Variants in ELOVL5 observed in about 807,000 individuals in gnomAD.
ELOVL5 encodes ELOVL fatty acid elongase 5.
ELOVL5 carries 8 observed loss-of-function variants against 38.6 expected under a neutral mutation model. The observed-to-expected ratio is 0.21, with a 90% CI of 0.12 to 0.37. ELOVL5 has a LOEUF of 0.37. ELOVL5 is among the 10% of genes least tolerant of loss of function. The probability of loss-of-function intolerance (pLI) is 1.00; values close to 1 mark genes in which losing one functional copy is unlikely to be tolerated. For synonymous variants in ELOVL5, 127 were observed against 133.7 expected, an observed-to-expected ratio of 0.95 and a Z score of 0.34; for missense variants, 280 against 367.8, an observed-to-expected ratio of 0.76 and a Z score of 1.95.
chr6:53,333,895 T>C (rs1768917744), intron 1 of ELOVL5, among the ~76,000 whole-genome samples: 1 of 149,968 alleles, frequency 6.7e-6, no homozygotes, highest in African/African-American at 2.5e-5. Flanking sequence ...TGAAACAACA[T>C]TAGGTAGAAG....
chr6:53,282,987 G>A (rs1164791036), intron 3 of ELOVL5, among the ~76,000 whole-genome samples: 3 of 152,076 alleles, frequency 2.0e-5, no homozygotes, highest in Non-Finnish European at 4.4e-5. Flanking sequence ...CAATTACAGA[G>A]GTTAGAAAGC....
intron 5 of ELOVL5, 76 bp from the exon 6 acceptor site, chr6:53,273,420 T>A: frequency 2.0e-5 from 25 of 1,220,352 alleles, no homozygotes; most frequent in Non-Finnish European, 2.4e-5. Flanking sequence ...AAAAAAAAAA[T>A]ACAAGATTCT....
chr6:53,294,440 C>A, intron 2 of ELOVL5: 1 of 1,550,618 alleles, frequency 6.4e-7, no homozygotes. Flanking sequence ...CTGTAGCCAT[C>A]CTACAACTGT....
intron 1 of ELOVL5, among the ~76,000 whole-genome samples, chr6:53,303,995 G>C (rs1446061552): frequency 6.6e-6 from 1 of 152,108 alleles, no homozygotes; most frequent in Non-Finnish European, 1.5e-5. Flanking sequence ...TTGCTGTCTA[G>C]ACAACTCATT....
chr6:53,328,573 GA>G (rs759027538), intron 1 of ELOVL5, among the ~76,000 whole-genome samples: 7 of 152,262 alleles, frequency 4.6e-5, no homozygotes, highest in South Asian at 2.1e-4. Context: ...GGAGATGTGG[GA>G]CATGATGCAG....
intron 1 of ELOVL5, among the ~76,000 whole-genome samples, chr6:53,347,266 T>G (rs1251737683): frequency 6.6e-6 from 1 of 152,130 alleles, no homozygotes; most frequent in Non-Finnish European, 1.5e-5. Flanking sequence ...CAATAAGAAG[T>G]TAGAATCTAG....
intron 1 of ELOVL5, among the ~76,000 whole-genome samples, chr6:53,325,961 G>A (rs575721266): frequency 6.6e-6 from 1 of 152,220 alleles, no homozygotes; most frequent in African/African-American, 2.4e-5. Flanking sequence ...ACTCTGGACA[G>A]AGCATCAGGG....
At chr6:53,324,088 A>G (rs572742206) in intron 1 of ELOVL5, among the ~76,000 whole-genome samples, 82 of 152,082 alleles carry the variant, frequency 5.4e-4, no homozygotes, top group Middle Eastern at 3.4e-3. Flanking sequence ...CCATGTCTCT[A>G]TTAAAAATAC....
chr6:53,311,492 A>C (rs531095566), intron 1 of ELOVL5, among the ~76,000 whole-genome samples: 2 of 152,310 alleles, frequency 1.3e-5, no homozygotes, highest in African/African-American at 4.8e-5. Context: ...TATATACCCA[A>C]AGAAATGAAA....
chr6:53,276,405 AAAC>A (rs1766128994), intron 3 of ELOVL5, 149 bp from the exon 4 acceptor site: 1 of 617,296 alleles, frequency 1.6e-6, no homozygotes, highest in African/African-American at 1.9e-5. Flanking sequence ...AGGCAAGTGT[AAAC>A]AAAAGGAAAG....
At chr6:53,330,545 G>A (rs1431573039) in intron 1 of ELOVL5, among the ~76,000 whole-genome samples, 2 of 35,366 alleles carry the variant, frequency 5.7e-5, no homozygotes, top group African/African-American at 1.2e-4. Context: ...TTTTTTTAGG[G>A]ACAGAGTCTA....
intron 3 of ELOVL5, among the ~76,000 whole-genome samples, chr6:53,281,353 C>T (rs1328344347): frequency 6.6e-6 from 1 of 152,188 alleles, no homozygotes; most frequent in African/African-American, 2.4e-5. Context: ...TGTGAGTCCT[C>T]AACTGTGTAT....
intron 1 of ELOVL5, among the ~76,000 whole-genome samples, chr6:53,334,536 C>G (rs1768960944): frequency 6.6e-6 from 1 of 152,080 alleles, no homozygotes. Flanking sequence ...TCTCTTAATT[C>G]TAAGGTACAT....
chr6:53,327,442 CA>C (rs1561889290), intron 1 of ELOVL5, among the ~76,000 whole-genome samples: 2 of 152,184 alleles, frequency 1.3e-5, no homozygotes. Context: ...CAAGAGGTCA[CA>C]TATTGTATGA....
chr6:53,287,603 T>C (rs1766620979), intron 3 of ELOVL5, among the ~76,000 whole-genome samples: 1 of 152,196 alleles, frequency 6.6e-6, no homozygotes, highest in African/African-American at 2.4e-5. Context: ...CTTAGTACGC[T>C]CATGGCTTCA....
intron 1 of ELOVL5, among the ~76,000 whole-genome samples, chr6:53,322,355 G>A (rs998199841): frequency 6.6e-6 from 1 of 152,148 alleles, no homozygotes; most frequent in Admixed American, 6.5e-5. Context: ...GCAGAAGACA[G>A]GCTATTTTTG....
chr6:53,319,158 C>G (rs1348985066), intron 1 of ELOVL5, among the ~76,000 whole-genome samples: 3 of 151,678 alleles, frequency 2.0e-5, no homozygotes, highest in Non-Finnish European at 2.9e-5. Context: ...GTAGTCCCAG[C>G]TACTCGGGAG....
At chr6:53,333,435 A>G (rs1768894178) in intron 1 of ELOVL5, among the ~76,000 whole-genome samples, 1 of 152,224 alleles carries the variant, frequency 6.6e-6, no homozygotes, top group South Asian at 2.1e-4. Context: ...GACTGTTTAT[A>G]GTGGACAGTA....
chr6:53,313,073 T>A (rs1374240454), intron 1 of ELOVL5, among the ~76,000 whole-genome samples: 1 of 152,188 alleles, frequency 6.6e-6, no homozygotes. Context: ...GAATCATACA[T>A]CTCACAAAGA....
Sources: allele counts gnomAD v4.1 joint callset (sites outside exome capture counted in the v4.1 genomes callset), GRCh38; gene constraint gnomAD v4.1.1; transcripts MANE v1.5; gene names NCBI Gene and HGNC (gene_info 2026-07-23, HGNC 2026-07-21).